CCDC171: variants seen among roughly 807,000 people sequenced by gnomAD.
The protein encoded by CCDC171 is coiled-coil domain-containing protein 171.
Under a neutral mutation model 168.2 loss-of-function variants are expected in CCDC171, and 177 were observed. The ratio of observed to expected loss-of-function variants is 1.05; its 90% confidence interval spans 0.93 to 1.19. The LOEUF (loss-of-function observed/expected upper bound fraction) is 1.19, where lower values mean the gene tolerates loss of function less well. Ranked by LOEUF, CCDC171 falls within the 50% of genes most tolerant of loss-of-function variation. CCDC171 has a pLI of 0.00. For synonymous variants in CCDC171, 687 were observed against 540.8 expected (o/e 1.27, Z -3.75); for missense variants, 1,991 against 1,539.0 (o/e 1.29, Z -4.91).
At chr9:15,711,330 C>T (rs1169794864) in intron 11 of CCDC171, among the ~76,000 whole-genome samples, 3 of 152,046 alleles carry the variant, frequency 2.0e-5, no homozygotes, top group Non-Finnish European at 2.9e-5. Flanking sequence ...TCATCTTGTA[C>T]ACTTCTTTTT....
chr9:16,059,218 C>G (rs979461544), intron 1 of CCDC171, among the ~76,000 whole-genome samples: 6 of 152,174 alleles, frequency 3.9e-5, no homozygotes, highest in African/African-American at 1.2e-4. Context: ...TTTGTATTTG[C>G]TCATGAGGTA....
intron 24 of CCDC171, among the ~76,000 whole-genome samples, chr9:15,900,777 T>C (rs1444815966): frequency 1.3e-5 from 2 of 152,196 alleles, no homozygotes; most frequent in African/African-American, 2.4e-5. Context: ...GACTGTCTTC[T>C]GGGTTTGGAA....
intron 6 of CCDC171, among the ~76,000 whole-genome samples, chr9:15,595,098 T>C (rs1284565058): frequency 6.6e-6 from 1 of 152,110 alleles, no homozygotes; most frequent in East Asian, 1.9e-4. Context: ...CACAAACAAC[T>C]TTGTAACACA....
At chr9:15,795,199 C>T (rs899372114) in intron 21 of CCDC171, among the ~76,000 whole-genome samples, 2 of 152,100 alleles carry the variant, frequency 1.3e-5, no homozygotes, top group Non-Finnish European at 2.9e-5. Context: ...CTTGCATTCT[C>T]TGGGGGAAGG....
At chr9:15,674,860 TA>T (rs1296173925) in intron 9 of CCDC171, among the ~76,000 whole-genome samples, 1 of 152,204 alleles carries the variant, frequency 6.6e-6, no homozygotes, top group Non-Finnish European at 1.5e-5. Flanking sequence ...GAGAGTTCTG[TA>T]GATGTCTGTT....
chr9:15,709,494 T>C lies in CCDC171; in HGVS notation c.1319-12275T>C, dbSNP rs751550235. On this transcript the variant is annotated intron_variant, in intron 11 of 25. Coordinates refer to ENST00000380701, the MANE Select transcript of CCDC171 (RefSeq NM_173550.4). Reference sequence around the variant, plus strand: ...ATAATATGGAGTACCAATGAAAAGATTGTACGTCTTTCTAAGGCAAAAACT... The same window carrying C: ...ATAATATGGAGTACCAATGAAAAGACTGTACGTCTTTCTAAGGCAAAAACT... Among the ~76,000 whole-genome samples the C allele has an allele frequency of 9.9e-5, 15 of 152,090 alleles. 1 individual carries two copies. Among genetic ancestry groups the C allele is most frequent in the Non-Finnish European group, 1.8e-4 (12 of 67,990 alleles).
At chr9:15,640,882 G>A (rs2046555004) in intron 7 of CCDC171, among the ~76,000 whole-genome samples, 1 of 152,012 alleles carries the variant, frequency 6.6e-6, no homozygotes. Flanking sequence ...GAGACCTTCT[G>A]TTTAAGGGCT....
chr9:15,704,283 G>A lies in CCDC171; in HGVS notation c.1318+8946G>A, dbSNP rs1000410121. Among the ~76,000 whole-genome samples the A allele has an allele frequency of 2.4e-4, 36 of 152,162 alleles. 1 individual carries two copies. Among genetic ancestry groups the A allele is most frequent in the Admixed American group, 1.4e-3 (21 of 15,280 alleles). ...TGCACATATGGTCCCAGCTACTCCC[G>A]AGGCTGAAGGAAGAGGATTACTTGA... On this transcript the variant is annotated intron_variant, in intron 11 of 25. Coordinates refer to ENST00000380701, the MANE Select transcript of CCDC171 (RefSeq NM_173550.4).
At chr9:15,940,130 A>T (rs1265621897) in intron 25 of CCDC171, among the ~76,000 whole-genome samples, 1 of 151,992 alleles carries the variant, frequency 6.6e-6, no homozygotes, top group Non-Finnish European at 1.5e-5. Flanking sequence ...GGATAAAAGC[A>T]ATACACATAA....
chr9:15,888,021 C>T (rs747966294), intron 24 of CCDC171: 1 of 152,230 alleles, frequency 6.6e-6, no homozygotes, highest in Non-Finnish European at 1.5e-5. Flanking sequence ...AATGAAGTCT[C>T]CATAAGGTGA....
chr9:16,057,592 C>T (rs988266465), intron 1 of CCDC171, among the ~76,000 whole-genome samples: 1 of 152,164 alleles, frequency 6.6e-6, no homozygotes, highest in East Asian at 1.9e-4. Flanking sequence ...TTTAGGCTTT[C>T]CATGGGAATG....
At chr9:15,889,656 C>A (rs903073700) in intron 24 of CCDC171, among the ~76,000 whole-genome samples, 2 of 152,202 alleles carry the variant, frequency 1.3e-5, no homozygotes, top group Admixed American at 6.5e-5. Flanking sequence ...CAGTAGGAAT[C>A]CTCTGAGGCA....
At chr9:16,076,151 C>G in the CCDC171 span, among the ~76,000 whole-genome samples, 1 of 152,170 alleles carries the variant, frequency 6.6e-6, no homozygotes, top group Non-Finnish European at 1.5e-5. Context: ...CAGTTCTTTA[C>G]CCAGCAGGGC....
rs201979794 is a variant in CCDC171 at position 15,818,092 on chromosome 9, G to A, written c.3268-28610G>A. The stretch of plus-strand genomic sequence containing the variant: ...GATACCCAGGCAAACAGGGTCTGGA[G>A]TGGACCTCCAGTAAACCCCAACAGA... On this transcript the variant is annotated intron_variant, in intron 21 of 25. Coordinates refer to ENST00000380701, the MANE Select transcript of CCDC171 (RefSeq NM_173550.4). Among the ~76,000 whole-genome samples, 32 of 117,970 alleles carry A rather than the reference G, an allele frequency of 2.7e-4. 5 individuals carry two copies. In the East Asian group the frequency reaches 6.8e-3, roughly 25 times the overall value. 77.4% of individuals were successfully genotyped at this position (117,970 alleles called of 152,430 possible). A position where few individuals can be genotyped will look rare whatever the true frequency, so the allele number is the denominator to read the frequency against.
chr9:15,997,764 G>A (rs1367291779), intron 3 of CCDC171, among the ~76,000 whole-genome samples: 2 of 152,176 alleles, frequency 1.3e-5, no homozygotes, highest in Non-Finnish European at 2.9e-5. Context: ...CGTCCCTGAT[G>A]GCATACCCTT....
Position 15,564,062 on chromosome 9 carries a change from G to A in CCDC171, c.-27G>A, listed in dbSNP as rs374853930. ...GAAATATGTCATTAAGAAATAGCAGGGTATTTTGAAAGAGTTGGAAAACAT... is the reference window on the plus strand; with the variant it reads ...GAAATATGTCATTAAGAAATAGCAGAGTATTTTGAAAGAGTTGGAAAACAT... On this transcript the variant is annotated 5_prime_UTR_variant, in exon 2 of 26. Coordinates refer to ENST00000380701, the MANE Select transcript of CCDC171 (RefSeq NM_173550.4). 177 of 1,561,972 alleles carry A rather than the reference G, an allele frequency of 1.1e-4. No homozygotes were observed. Among genetic ancestry groups the A allele is most frequent in the South Asian group, 1.1e-3 (98 of 88,264 alleles).
At chr9:16,045,794 CT>C (rs1440910608) in intron 1 of CCDC171, among the ~76,000 whole-genome samples, 1 of 152,186 alleles carries the variant, frequency 6.6e-6, no homozygotes, top group Non-Finnish European at 1.5e-5. Flanking sequence ...TTTGGTGACT[CT>C]TTTCTAACTC....
intron 24 of CCDC171, among the ~76,000 whole-genome samples, chr9:15,919,118 A>G (rs1824960128): frequency 6.6e-6 from 1 of 151,692 alleles, no homozygotes; most frequent in Admixed American, 6.6e-5. Flanking sequence ...ACAGAAAACC[A>G]GGATAGAAGT....
chr9:15,911,179 C>T (rs1167681886), intron 24 of CCDC171, among the ~76,000 whole-genome samples: 1 of 152,190 alleles, frequency 6.6e-6, no homozygotes, highest in Non-Finnish European at 1.5e-5. Context: ...AAAAGTGTTC[C>T]TATTTCTTCA....
Sources: allele counts gnomAD v4.1 joint callset (sites outside exome capture counted in the v4.1 genomes callset), GRCh38; gene constraint gnomAD v4.1.1; transcripts MANE v1.5; gene names NCBI Gene and HGNC (gene_info 2026-07-23, HGNC 2026-07-21).